CACNA1A: variants seen among roughly 807,000 people sequenced by gnomAD.
The protein encoded by CACNA1A is voltage-dependent P/Q-type calcium channel subunit alpha-1A.
CACNA1A carries 57 observed loss-of-function variants against 262.4 expected under a neutral mutation model. The ratio of observed to expected loss-of-function variants is 0.22; its 90% CI spans 0.18 to 0.27. CACNA1A has a LOEUF of 0.27. CACNA1A is among the 10% of genes least tolerant of loss of function. CACNA1A has a pLI of 1.00. For synonymous variants in CACNA1A, 1,431 were observed against 1,419.3 expected, an observed-to-expected ratio of 1.01 and a Z score of -0.18; for missense variants, 2,526 against 3,562.8, an observed-to-expected ratio of 0.71 and a Z score of 7.41.
At chr19:13,494,467 A>C (rs1380312001) in intron 1 of CACNA1A, among the ~76,000 whole-genome samples, 2 of 152,176 alleles carry the variant, frequency 1.3e-5, no homozygotes, top group African/African-American at 4.8e-5. Context: ...TGCAAATGAC[A>C]TGGGTGTGAG....
At chr19:13,389,726 C>T (rs1480516337) in intron 3 of CACNA1A, among the ~76,000 whole-genome samples, 1 of 152,100 alleles carries the variant, frequency 6.6e-6, no homozygotes, top group African/African-American at 2.4e-5. Context: ...GGCCTGTTTT[C>T]CTATTGGGGT....
intron 3 of CACNA1A, among the ~76,000 whole-genome samples, chr19:13,380,920 G>T (rs1046336955): frequency 6.6e-6 from 1 of 151,720 alleles, no homozygotes; most frequent in Non-Finnish European, 1.5e-5. Context: ...ACTACAGGTG[G>T]GAGCCACCAA....
chr19:13,208,552 G>GA (rs1377994110), intron 46 of CACNA1A, among the ~76,000 whole-genome samples: 2 of 151,782 alleles, frequency 1.3e-5, no homozygotes, highest in Non-Finnish European at 2.9e-5. Context: ...GGGGGCTGGG[G>GA]GGACAGCATA....
chr19:13,227,414 C>A lies in CACNA1A; in HGVS notation c.5625+17G>T. 1.4e-6 allele frequency: 2 copies of A among 1,457,092 alleles called. No individual in the cohort carries two copies. Among genetic ancestry groups the A allele is most frequent in the South Asian group, 2.7e-5 (2 of 75,170 alleles). 90.3% of individuals were successfully genotyped at this position (1,457,092 alleles called of 1,614,324 possible). On this transcript the variant is annotated intron_variant, in intron 37 of 46. Transcript: ENST00000360228. ...AACCCAGTGCCTGGACGTCGGTGGT[C>A]GGCAAGGGTAGTCTACCTTGTAAGC...
intron 29 of CACNA1A, among the ~76,000 whole-genome samples, chr19:13,253,445 CTTTTTTTT>C (rs57960659): frequency 2.1e-5 from 2 of 94,230 alleles, no homozygotes; most frequent in East Asian, 2.9e-4. Context: ...CTGAATTATA[CTTTTTTTT>C]TTTTTTTTTT....
chr19:13,506,328 C>A lies in CACNA1A; in HGVS notation c.-104G>T, dbSNP rs969544493. The A allele has an allele frequency of 2.7e-6, 3 of 1,124,188 alleles. No individual in the cohort carries two copies. The African/African-American group carries it at 5.0e-5, about 19-fold the overall frequency. 69.6% of individuals were successfully genotyped at this position (1,124,188 alleles called of 1,614,324 possible). A position where few individuals can be genotyped will look rare whatever the true frequency, so the allele number is the denominator to read the frequency against. ...ATGCTGAGGCTGCCGGGGCTGGGAG[C>A]GCGGCGGCTGGAGCTACGACTGCGG... On this transcript the variant is annotated 5_prime_UTR_variant, in exon 1 of 47. Transcript: ENST00000360228.
At chr19:13,484,235 G>A (rs1280164801) in intron 1 of CACNA1A, among the ~76,000 whole-genome samples, 1 of 152,114 alleles carries the variant, frequency 6.6e-6, no homozygotes, top group African/African-American at 2.4e-5. Flanking sequence ...ACAGTTAAAA[G>A]GTGCTCTGAA....
At chr19:13,458,514 A>G (rs2061057330) in intron 1 of CACNA1A, among the ~76,000 whole-genome samples, 1 of 152,208 alleles carries the variant, frequency 6.6e-6, no homozygotes, top group Non-Finnish European at 1.5e-5. Context: ...AAAAAAAATT[A>G]CAGTGATCAG....
intron 3 of CACNA1A, among the ~76,000 whole-genome samples, chr19:13,406,465 T>TTACA (rs2060006078): frequency 3.2e-5 from 1 of 31,544 alleles, no homozygotes; most frequent in Non-Finnish European, 7.5e-5. Flanking sequence ...AAAAAAAAAA[T>TTACA]TATATATATA....
intron 1 of CACNA1A, among the ~76,000 whole-genome samples, chr19:13,460,469 T>C (rs1306829890): frequency 1.3e-5 from 2 of 152,130 alleles, no homozygotes; most frequent in African/African-American, 2.4e-5. Flanking sequence ...ACCGAAGATT[T>C]TGATGAAATA....
intron 3 of CACNA1A, among the ~76,000 whole-genome samples, chr19:13,442,501 T>C (rs1030806864): frequency 2.2e-4 from 33 of 152,204 alleles, no homozygotes; most frequent in Admixed American, 8.5e-4. Context: ...AACTTAGACG[T>C]AAGCTAGGTA....
At chr19:13,309,609 C>T (rs2057976287) in intron 12 of CACNA1A, among the ~76,000 whole-genome samples, 1 of 151,826 alleles carries the variant, frequency 6.6e-6, no homozygotes, top group Non-Finnish European at 1.5e-5. Context: ...GGGAGGATAG[C>T]TTGAGCCTAG....
intron 1 of CACNA1A, among the ~76,000 whole-genome samples, chr19:13,499,452 G>GA (rs905853883): frequency 1.7e-5 from 2 of 118,908 alleles, no homozygotes; most frequent in African/African-American, 3.0e-5. Flanking sequence ...GGGGGTGGTG[G>GA]GGGGGGGCAC....
At chr19:13,475,400 A>G (rs1978405955) in intron 1 of CACNA1A, among the ~76,000 whole-genome samples, 1 of 152,196 alleles carries the variant, frequency 6.6e-6, no homozygotes, top group South Asian at 2.1e-4. Context: ...ATGACAGTGG[A>G]GGCAGGAAAA....
intron 1 of CACNA1A, among the ~76,000 whole-genome samples, chr19:13,490,806 A>G (rs1980758513): frequency 6.6e-6 from 1 of 150,412 alleles, no homozygotes; most frequent in South Asian, 2.1e-4. Context: ...GAAAGGAAAA[A>G]GGAAGGAAGG....
rs1009916623 is a variant in CACNA1A, at chr19:13,236,600, G to A, written c.4951-870C>T. 1 of 152,828 alleles carries A rather than the reference G, an allele frequency of 6.5e-6. No homozygotes were observed. The highest frequency in any genetic ancestry group is 2.4e-5 in the African/African-American group (1 of 41,444). The allele number at this position is 152,828 out of a possible 1,614,324, so 9.5% of individuals were successfully genotyped here. On this transcript the variant is annotated intron_variant, in intron 31 of 46. Transcript: ENST00000360228. This position sits in a 1 kb window ranked among gnomAD's most constrained non-coding sequence, Gnocchi z 4.6. Reference sequence around the variant, plus strand: ...GCTTCTCAGCTTCTGGGGCTGGGTGGAGTAGCACGGGACCAGGCCTGCAGG... The same window carrying A: ...GCTTCTCAGCTTCTGGGGCTGGGTGAAGTAGCACGGGACCAGGCCTGCAGG...
intron 24 of CACNA1A, among the ~76,000 whole-genome samples, chr19:13,270,960 C>G (rs1213460917): frequency 1.3e-5 from 2 of 152,146 alleles, no homozygotes; most frequent in Non-Finnish European, 2.9e-5. Flanking sequence ...ACAGGATGGC[C>G]TGAAATCCCT....
chr19:13,309,298 A>G (rs1175331830), intron 12 of CACNA1A, among the ~76,000 whole-genome samples: 1 of 152,026 alleles, frequency 6.6e-6, no homozygotes, highest in East Asian at 1.9e-4. Context: ...GTGAGCCACC[A>G]CACCTGGCCT....
intron 3 of CACNA1A, among the ~76,000 whole-genome samples, chr19:13,377,843 T>C (rs929820710): frequency 3.9e-5 from 6 of 152,006 alleles, no homozygotes; most frequent in Non-Finnish European, 7.4e-5. Context: ...TTAGGAACAT[T>C]TGTGGCTGTT....
Sources: gnomAD v4.1 joint callset for allele counts (sites outside exome capture counted in the v4.1 genomes callset) on GRCh38, gnomAD v4.1.1 for gene constraint, Gnocchi (gnomAD v3.1) non-coding constraint, MANE v1.5 for transcripts, NCBI Gene and HGNC (gene_info 2026-07-23, HGNC 2026-07-21) for gene names.